RNF150: variants seen among roughly 807,000 people sequenced by gnomAD.
RNF150 encodes ring finger protein 150.
RNF150 carries 24 observed loss-of-function variants against 39.3 expected under a neutral mutation model. The ratio of observed to expected loss-of-function variants is 0.61; its 90% CI spans 0.44 to 0.86. The LOEUF (loss-of-function observed/expected upper bound fraction) is 0.86, where lower values mean the gene tolerates loss of function less well. RNF150 is among the 40% of genes least tolerant of loss of function. RNF150 has a pLI of 0.00. For synonymous variants in RNF150, 255 were observed against 227.3 expected (o/e 1.12, Z -1.10); for missense variants, 502 against 587.8 (o/e 0.85, Z 1.51).
At chr4:141,005,204 T>C (rs955233313) in intron 1 of RNF150, among the ~76,000 whole-genome samples, 4 of 152,114 alleles carry the variant, frequency 2.6e-5, no homozygotes, top group African/African-American at 9.7e-5. Context: ...GAGTAGAAGA[T>C]ATATTTTGGA....
intron 1 of RNF150, among the ~76,000 whole-genome samples, chr4:141,058,318 G>A (rs1235852439): frequency 1.3e-5 from 2 of 151,908 alleles, no homozygotes; most frequent in Admixed American, 1.3e-4. Context: ...TGAAGAAGAG[G>A]GGTAGAAGAA....
intron 1 of RNF150, among the ~76,000 whole-genome samples, chr4:140,980,509 C>T (rs1283683065): frequency 6.6e-6 from 1 of 152,046 alleles, no homozygotes; most frequent in Non-Finnish European, 1.5e-5. Context: ...TTGGCTGTGT[C>T]CCCCTGCCCC....
chr4:140,947,618 A>G (rs368818742), intron 4 of RNF150, 36 bp downstream of exon 4: 15 of 1,548,344 alleles, frequency 9.7e-6, no homozygotes, highest in African/African-American at 1.4e-5. Context: ...CTCCACACAC[A>G]CAACCCAATC....
chr4:141,118,524 G>A (rs975495937), intron 1 of RNF150, among the ~76,000 whole-genome samples: 1 of 152,112 alleles, frequency 6.6e-6, no homozygotes, highest in Non-Finnish European at 1.5e-5. Flanking sequence ...TGTCATATAT[G>A]GCAGTAGAAA....
intron 1 of RNF150, among the ~76,000 whole-genome samples, chr4:141,070,166 C>A (rs544190495): frequency 4.6e-5 from 7 of 152,260 alleles, no homozygotes; most frequent in African/African-American, 1.7e-4. Context: ...GCTGGGAAAA[C>A]TGGCTAGACA....
intron 1 of RNF150, among the ~76,000 whole-genome samples, chr4:141,015,108 T>C (rs1735221978): frequency 6.6e-6 from 1 of 152,214 alleles, no homozygotes; most frequent in Admixed American, 6.5e-5. Context: ...TCCTCACCTT[T>C]GTCATAAATA....
chr4:140,991,967 A>T (rs895190681), intron 1 of RNF150, among the ~76,000 whole-genome samples: 13 of 152,188 alleles, frequency 8.5e-5, no homozygotes, highest in African/African-American at 2.9e-4. Context: ...AAAGACATGC[A>T]ATCTAGTAAA....
chr4:141,098,943 C>G (rs1037939686), intron 1 of RNF150, among the ~76,000 whole-genome samples: 2 of 152,194 alleles, frequency 1.3e-5, no homozygotes, highest in East Asian at 3.9e-4. Flanking sequence ...TTAACAATCA[C>G]GAGAATGGAG....
intron 2 of RNF150, among the ~76,000 whole-genome samples, chr4:140,956,991 A>G (rs1164484768): frequency 6.7e-6 from 1 of 150,128 alleles, no homozygotes; most frequent in African/African-American, 2.5e-5. Context: ...GGACATAGGC[A>G]TGGGCAAGGA....
intron 1 of RNF150, among the ~76,000 whole-genome samples, chr4:141,156,338 T>G (rs1490961556): frequency 1.3e-5 from 2 of 152,174 alleles, no homozygotes; most frequent in East Asian, 3.9e-4. Context: ...TGAAGTGCAG[T>G]GGTGCAATCA....
At chr4:141,085,475 C>T (rs553210822) in intron 1 of RNF150, among the ~76,000 whole-genome samples, 2 of 152,208 alleles carry the variant, frequency 1.3e-5, no homozygotes, top group Non-Finnish European at 2.9e-5. Flanking sequence ...CAATCAACAT[C>T]CCAGATGAGG....
intron 2 of RNF150, among the ~76,000 whole-genome samples, chr4:140,949,678 C>CA (rs1732468562): frequency 9.5e-6 from 1 of 104,942 alleles, no homozygotes; most frequent in Non-Finnish European, 2.3e-5. Flanking sequence ...TACACTACCC[C>CA]CCCCCAAAAA....
intron 6 of RNF150, among the ~76,000 whole-genome samples, chr4:140,905,498 G>A (rs142771171): frequency 6.4e-4 from 97 of 152,184 alleles, no homozygotes; most frequent in African/African-American, 1.9e-3. Flanking sequence ...GAACTTGTTC[G>A]GTAATTCTTG....
At chr4:140,914,348 T>C (rs548130920) in intron 5 of RNF150, among the ~76,000 whole-genome samples, 1 of 152,182 alleles carries the variant, frequency 6.6e-6, no homozygotes, top group African/African-American at 2.4e-5. Context: ...AGAAACCAAA[T>C]CTACATACCT....
At chr4:141,102,036 C>T (rs1277066992) in intron 1 of RNF150, among the ~76,000 whole-genome samples, 3 of 152,130 alleles carry the variant, frequency 2.0e-5, no homozygotes, top group Non-Finnish European at 4.4e-5. Context: ...CCTGCCTTGA[C>T]CTCCCAAAGT....
chr4:140,875,085 A>G (rs74446871), intron 6 of RNF150, among the ~76,000 whole-genome samples: 1,649 of 152,270 alleles, frequency 0.011, 35 homozygotes, highest in African/African-American at 0.037. Context: ...CACAGCTTAC[A>G]TAATAGTAAG....
intron 1 of RNF150, among the ~76,000 whole-genome samples, chr4:141,156,220 A>G (rs1578771146): frequency 6.6e-6 from 1 of 152,254 alleles, no homozygotes; most frequent in African/African-American, 2.4e-5. Context: ...GGAGCTGAAC[A>G]TTTTATTTTT....
chr4:140,922,630 A>T (rs1255795988), intron 5 of RNF150, among the ~76,000 whole-genome samples: 5 of 151,696 alleles, frequency 3.3e-5, no homozygotes, highest in Non-Finnish European at 7.4e-5. Flanking sequence ...TTTAAAATTC[A>T]TATGGAACCA....
At chr4:140,952,607 G>A (rs563059109) in intron 2 of RNF150, among the ~76,000 whole-genome samples, 7 of 152,266 alleles carry the variant, frequency 4.6e-5, no homozygotes, top group Non-Finnish European at 8.8e-5. Flanking sequence ...TGGCAGGTCC[G>A]TTGAGGAAAT....
Sources: allele counts gnomAD v4.1 joint callset (sites outside exome capture counted in the v4.1 genomes callset), GRCh38; gene constraint gnomAD v4.1.1; transcripts MANE v1.5; gene names NCBI Gene and HGNC (gene_info 2026-07-23, HGNC 2026-07-21).